PKHD1: variants seen among roughly 807,000 people sequenced by gnomAD.
PKHD1 encodes the protein fibrocystin.
Under a neutral mutation model 412.0 loss-of-function variants are expected in PKHD1, and 291 were observed. The observed-to-expected ratio is 0.71, with a 90% CI of 0.64 to 0.78. The LOEUF (loss-of-function observed/expected upper bound fraction) is 0.78, where lower values mean the gene tolerates loss of function less well. Among genes scored for constraint, PKHD1 ranks in the 30% least tolerant of loss-of-function variants. The probability of loss-of-function intolerance (pLI) is 0.00; values close to 1 mark genes in which losing one functional copy is unlikely to be tolerated. For missense variants in PKHD1, 4,825 were observed against 4,950.7 expected (o/e 0.97, Z 0.76); for synonymous variants, 1,777 against 1,821.5 (o/e 0.98, Z 0.62).
intron 36 of PKHD1, among the ~76,000 whole-genome samples, chr6:51,958,131 T>C (rs1791422912): frequency 6.6e-6 from 1 of 152,228 alleles, no homozygotes; most frequent in South Asian, 2.1e-4. Flanking sequence ...CGTTTCACTC[T>C]AGGTAGCTCT....
At chr6:51,989,826 T>A (rs1240508466) in intron 35 of PKHD1, among the ~76,000 whole-genome samples, 1 of 137,276 alleles carries the variant, frequency 7.3e-6, no homozygotes, top group Non-Finnish European at 1.5e-5. Flanking sequence ...TCTGTCTTAA[T>A]TTTTTTTAAA....
At chr6:52,060,169 C>A (rs1329738117) in intron 14 of PKHD1, 127 bp from the exon 15 acceptor site, 2 of 686,278 alleles carry the variant, frequency 2.9e-6, no homozygotes, top group Non-Finnish European at 5.4e-6. Flanking sequence ...TCTTATGCCA[C>A]ACAATTGTCC....
intron 60 of PKHD1, among the ~76,000 whole-genome samples, chr6:51,720,639 C>A (rs184683072): frequency 6.6e-6 from 1 of 152,148 alleles, no homozygotes; most frequent in African/African-American, 2.4e-5. Context: ...AATTTTGATG[C>A]ACTTATAGCA....
At chr6:52,028,882 G>A (rs1399673791) in intron 29 of PKHD1, among the ~76,000 whole-genome samples, 1 of 152,192 alleles carries the variant, frequency 6.6e-6, no homozygotes, top group Non-Finnish European at 1.5e-5. Flanking sequence ...CAGGACAATT[G>A]TATTCAAGAG....
intron 55 of PKHD1, among the ~76,000 whole-genome samples, chr6:51,770,795 T>C (rs1326368589): frequency 6.6e-6 from 1 of 152,108 alleles, no homozygotes; most frequent in Non-Finnish European, 1.5e-5. Flanking sequence ...TAATTTTGAA[T>C]GGTGAAGATT....
intron 60 of PKHD1, among the ~76,000 whole-genome samples, chr6:51,732,735 CA>C (rs1209789337): frequency 2.6e-5 from 4 of 152,144 alleles, no homozygotes; most frequent in African/African-American, 7.2e-5. Context: ...TATGGTTCCA[CA>C]AAAGGTTGAA....
At chr6:51,727,631 GCA>G (rs1358810404) in intron 60 of PKHD1, among the ~76,000 whole-genome samples, 1 of 152,196 alleles carries the variant, frequency 6.6e-6, no homozygotes, top group Non-Finnish European at 1.5e-5. Context: ...AGGTGAGCAT[GCA>G]CAGTGTGTTA....
At chr6:51,668,188 T>C (rs1774195237) in intron 60 of PKHD1, among the ~76,000 whole-genome samples, 3 of 152,176 alleles carry the variant, frequency 2.0e-5, no homozygotes, top group African/African-American at 7.2e-5. Context: ...GCATGGAATG[T>C]TCTTCCATTT....
At chr6:51,768,369 T>C (rs1217819695) in intron 55 of PKHD1, among the ~76,000 whole-genome samples, 1 of 152,088 alleles carries the variant, frequency 6.6e-6, no homozygotes, top group African/African-American at 2.4e-5. Context: ...ATTTTTGTTA[T>C]GCATCACCAT....
At chr6:51,689,397 G>A (rs1239925641) in intron 60 of PKHD1, among the ~76,000 whole-genome samples, 2 of 152,310 alleles carry the variant, frequency 1.3e-5, no homozygotes, top group East Asian at 1.9e-4. Flanking sequence ...CATACTGAAT[G>A]AGCAAAAGCT....
chr6:51,636,253 C>T (rs1449117952), intron 64 of PKHD1, among the ~76,000 whole-genome samples: 1 of 152,118 alleles, frequency 6.6e-6, no homozygotes, highest in Non-Finnish European at 1.5e-5. Context: ...ATTGCAAATT[C>T]TCTGCTTGAT....
chr6:51,935,303 A>G (rs753834909), intron 36 of PKHD1, among the ~76,000 whole-genome samples: 1 of 152,162 alleles, frequency 6.6e-6, no homozygotes, highest in Admixed American at 6.5e-5. Context: ...TGTGAGATTA[A>G]ATAATTTAAA....
chr6:51,996,534 A>T (rs1173073537), intron 35 of PKHD1, among the ~76,000 whole-genome samples: 1 of 152,204 alleles, frequency 6.6e-6, no homozygotes, highest in Non-Finnish European at 1.5e-5. Flanking sequence ...AGAAACACCT[A>T]ACTGACTTTA....
intron 48 of PKHD1, among the ~76,000 whole-genome samples, chr6:51,864,902 T>C (rs561840569): frequency 6.6e-6 from 1 of 152,232 alleles, no homozygotes; most frequent in Admixed American, 6.5e-5. Flanking sequence ...CTGATAATAT[T>C]GTACTTGTTT....
At chr6:51,800,379 GCAACAA>G (rs146454032) in intron 52 of PKHD1, among the ~76,000 whole-genome samples, 2 of 151,946 alleles carry the variant, frequency 1.3e-5, no homozygotes, top group Non-Finnish European at 2.9e-5. Flanking sequence ...TGCACCAAAT[GCAACAA>G]CAACAACAAC....
intron 34 of PKHD1, among the ~76,000 whole-genome samples, chr6:52,016,635 C>CAAAAAAAAAAAA (rs10579713): frequency 5.0e-5 from 6 of 118,904 alleles, no homozygotes; most frequent in African/African-American, 1.7e-4. Flanking sequence ...GACTCTGTCT[C>CAAAAAAAAAAAA]AAAAAAAAAA....
At chr6:51,870,226 A>G (rs1775765360) in intron 47 of PKHD1, among the ~76,000 whole-genome samples, 1 of 152,210 alleles carries the variant, frequency 6.6e-6, no homozygotes, top group Non-Finnish European at 1.5e-5. Flanking sequence ...AGCAAGAAAT[A>G]CATGATCTCT....
At chr6:51,731,386 C>G (rs572266184) in intron 60 of PKHD1, among the ~76,000 whole-genome samples, 1 of 152,168 alleles carries the variant, frequency 6.6e-6, no homozygotes. Flanking sequence ...TACAATAAAA[C>G]AGAGAAATGT....
chr6:52,070,542 AATTACC>A, intron 9 of PKHD1, 97 bp from the exon 10 acceptor site: 1 of 854,182 alleles, frequency 1.2e-6, no homozygotes, highest in South Asian at 1.4e-5. Context: ...AATATCATCA[AATTACC>A]ACCCAAACCT....
Sources: gnomAD v4.1 joint callset for allele counts (sites outside exome capture counted in the v4.1 genomes callset) on GRCh38, gnomAD v4.1.1 for gene constraint, MANE v1.5 for transcripts, NCBI Gene and HGNC (gene_info 2026-07-23, HGNC 2026-07-21) for gene names.